Variants in DACH2 observed in about 807,000 individuals in gnomAD.
The protein encoded by DACH2 is dachshund family transcription factor 2.
DACH2 carries 17 observed loss-of-function variants against 35.8 expected under a neutral mutation model. The observed-to-expected ratio is 0.48, with a 90% CI of 0.33 to 0.71. DACH2 has a LOEUF of 0.71. Among genes scored for constraint, DACH2 ranks in the 30% least tolerant of loss-of-function variants. The pLI is 0.02. For synonymous variants in DACH2, 195 were observed against 177.3 expected (o/e 1.10, Z -0.79); for missense variants, 469 against 472.7 (o/e 0.99, Z 0.07).
Position 86,150,349 on chromosome X carries a change from T to A in DACH2, c.488+1241T>A, listed in dbSNP as rs544728489. ...CTTTCTCAAAATGAACTTTAAATCA[T>A]AAAATCTCTGGGTCTGTGAACTAAA... is the stretch of plus-strand genomic sequence containing the variant. On this transcript the variant is annotated intron_variant, in intron 1 of 11. Transcript: ENST00000373125. 3.0e-4 allele frequency among the ~76,000 whole-genome samples: 34 copies of A among 112,311 alleles called. No homozygotes were observed. The South Asian group carries it at 0.011, about 37-fold the overall frequency.
At chrX:86,562,112 AT>A (rs1431735398) in intron 3 of DACH2, among the ~76,000 whole-genome samples, 2 of 109,633 alleles carry the variant, frequency 1.8e-5, no homozygotes, top group Non-Finnish European at 3.8e-5. Flanking sequence ...ATTTTTTGAT[AT>A]TTGGGAGCAA....
chrX:86,384,354 C>T (rs2036092081), intron 2 of DACH2, among the ~76,000 whole-genome samples: 1 of 111,240 alleles, frequency 9.0e-6, no homozygotes, highest in Admixed American at 9.6e-5. Flanking sequence ...ATTCTAAGAC[C>T]CAGTATGAAT....
chrX:86,651,773 C>T (rs933821429), intron 4 of DACH2, among the ~76,000 whole-genome samples: 1 of 109,762 alleles, frequency 9.1e-6, no homozygotes, highest in African/African-American at 3.5e-5. Flanking sequence ...GTACCTTGGC[C>T]TTGATCATAA....
At chrX:86,510,969 A>G (rs1426691216) in intron 2 of DACH2, among the ~76,000 whole-genome samples, 1 of 112,206 alleles carries the variant, frequency 8.9e-6, no homozygotes, top group Non-Finnish European at 1.9e-5. Context: ...CAGTAATGCA[A>G]TCAACATTTT....
intron 3 of DACH2, among the ~76,000 whole-genome samples, chrX:86,530,373 G>C (rs970062990): frequency 9.0e-6 from 1 of 111,624 alleles, no homozygotes; most frequent in African/African-American, 3.3e-5. Context: ...TTCATGTGTC[G>C]GAGGAGGAAC....
At chrX:86,287,729 T>C (rs781422518) in intron 1 of DACH2, among the ~76,000 whole-genome samples, 1 of 112,259 alleles carries the variant, frequency 8.9e-6, no homozygotes, top group Non-Finnish European at 1.9e-5. Flanking sequence ...GAATTTCTGC[T>C]TATTTTTGAT....
At chrX:86,625,521 G>T (rs1208384826) in intron 3 of DACH2, among the ~76,000 whole-genome samples, 1 of 110,710 alleles carries the variant, frequency 9.0e-6, no homozygotes, top group Non-Finnish European at 1.9e-5. Context: ...AGAAAATTAT[G>T]CCTATTGTAT....
chrX:86,203,988 G>A (rs2032220007), intron 1 of DACH2, among the ~76,000 whole-genome samples: 1 of 111,658 alleles, frequency 9.0e-6, no homozygotes, highest in Admixed American at 9.5e-5. Flanking sequence ...ACATGGAGCA[G>A]TGCTTGTGGT....
At chrX:86,510,078 A>C (rs2038375949) in intron 2 of DACH2, among the ~76,000 whole-genome samples, 1 of 111,894 alleles carries the variant, frequency 8.9e-6, no homozygotes, top group Non-Finnish European at 1.9e-5. Flanking sequence ...GGATGACATA[A>C]ACTGTGATTC....
chrX:86,695,392 TG>T (rs1423182002), intron 5 of DACH2, among the ~76,000 whole-genome samples: 1 of 109,940 alleles, frequency 9.1e-6, no homozygotes, highest in African/African-American at 3.3e-5. Context: ...TAAGGGTACA[TG>T]GGAGGTACGT....
intron 2 of DACH2, among the ~76,000 whole-genome samples, chrX:86,450,059 C>G (rs368057965): frequency 7.2e-5 from 8 of 111,107 alleles, no homozygotes; most frequent in Non-Finnish European, 1.5e-4. Context: ...CCTTTTATGT[C>G]TTTTTTTCTT....
chrX:86,766,311 T>C (rs1225418145), intron 7 of DACH2, among the ~76,000 whole-genome samples: 3 of 111,824 alleles, frequency 2.7e-5, no homozygotes, highest in African/African-American at 9.8e-5. Flanking sequence ...ATTATTAAAA[T>C]AGTAGTGTGC....
At chrX:86,400,791 T>TG (rs2036411749) in intron 2 of DACH2, among the ~76,000 whole-genome samples, 1 of 111,816 alleles carries the variant, frequency 8.9e-6, no homozygotes, top group African/African-American at 3.3e-5. Flanking sequence ...CTGCCCCTAC[T>TG]GGGGGGTGCC....
intron 1 of DACH2, among the ~76,000 whole-genome samples, chrX:86,224,295 T>G (rs973377479): frequency 2.7e-5 from 3 of 111,676 alleles, no homozygotes; most frequent in Non-Finnish European, 3.8e-5. Context: ...AACAAATATA[T>G]TCAGGAGCAT....
Position 86,681,647 on chromosome X carries a change from C to CAT in DACH2, c.773-13365_773-13364dup, listed in dbSNP as rs2040883555. On this transcript the variant is annotated intron_variant, in intron 4 of 11. Coordinates refer to ENST00000373125, the MANE Select transcript of DACH2 (RefSeq NM_053281.3). The stretch of plus-strand genomic sequence containing the variant: ...TAATTATATATGATATACATGATAT[C>CAT]ATATATATATGTTATATATAATTAT... Among the ~76,000 whole-genome samples, 6 of 102,871 alleles carry CAT rather than the reference C, an allele frequency of 5.8e-5. No homozygotes were observed. In the South Asian group the frequency reaches 2.2e-3, roughly 37 times the overall value. The allele number at this position is 102,871 out of a possible 115,157, so 89.3% of individuals were successfully genotyped here. A position where few individuals can be genotyped will look rare whatever the true frequency, so the allele number is the denominator to read the frequency against.
chrX:86,795,658 C>G (rs1391912789), intron 7 of DACH2, among the ~76,000 whole-genome samples: 6 of 112,455 alleles, frequency 5.3e-5, no homozygotes, highest in Non-Finnish European at 1.1e-4. Flanking sequence ...TCTCTGACTT[C>G]AAGAATGAAG....
chrX:86,794,771 C>T (rs1341651347), intron 7 of DACH2, among the ~76,000 whole-genome samples: 2 of 111,803 alleles, frequency 1.8e-5, no homozygotes, highest in Admixed American at 9.5e-5. Context: ...AAGCAATACA[C>T]ATCAGTGTTC....
intron 7 of DACH2, among the ~76,000 whole-genome samples, chrX:86,744,985 A>G (rs185122635): frequency 1.0e-3 from 111 of 110,817 alleles, no homozygotes; most frequent in Non-Finnish European, 1.6e-3. Context: ...TCAAACTGCT[A>G]TCAGGAATAG....
chrX:86,751,671 C>CA (rs1382131751), intron 7 of DACH2, among the ~76,000 whole-genome samples: 2 of 108,358 alleles, frequency 1.8e-5, no homozygotes, highest in Non-Finnish European at 3.8e-5. Flanking sequence ...GTGAAGCACA[C>CA]AAAAAACAAG....
Sources: allele counts gnomAD v4.1 joint callset (sites outside exome capture counted in the v4.1 genomes callset), GRCh38; gene constraint gnomAD v4.1.1; transcripts MANE v1.5; gene names NCBI Gene and HGNC (gene_info 2026-07-23, HGNC 2026-07-21).